Variants in ZNF577 observed in about 807,000 individuals in gnomAD.
ZNF577 encodes zinc finger protein 577.
A neutral mutation model predicts 13.9 loss-of-function variants in ZNF577; 14 were observed. The ratio of observed to expected loss-of-function variants is 1.00; its 90% CI spans 0.66 to 1.57. The LOEUF is 1.57. Ranked by LOEUF, ZNF577 falls within the 40% of genes most tolerant of loss-of-function variation. ZNF577 has a pLI of 0.00. For synonymous variants in ZNF577, 203 were observed against 202.9 expected, an observed-to-expected ratio of 1.00 and a Z score of 0.00; for missense variants, 555 against 579.2, an observed-to-expected ratio of 0.96 and a Z score of 0.43.
rs2084606727 is a variant in ZNF577, at chr19:51,868,771, A to G, written c.*3761T>C. 6.6e-6 allele frequency among the ~76,000 whole-genome samples: 1 copy of G among 152,204 alleles called. No homozygotes were observed. Among genetic ancestry groups the G allele is most frequent in the African/African-American group, 2.4e-5 (1 of 41,454 alleles). On this transcript the variant is annotated 3_prime_UTR_variant, in exon 6 of 6. Transcript: ENST00000638348. ...CTATGTAGAAAAAGGAAGACATAAG[A>G]AACTCTATTTTGATCTGTACTAAGA...
intron 9 of ZNF577, among the ~76,000 whole-genome samples, chr19:51,837,122 A>C (rs4802879): frequency 0.38 from 58,122 of 151,150 alleles, 11,394 homozygotes; most frequent in South Asian, 0.48. Context: ...TTCCAGCAAA[A>C]GGCTGCAAAC....
chr19:51,808,636 CCTT>C (rs1452859040), intron 10 of ZNF577, among the ~76,000 whole-genome samples: 2 of 152,172 alleles, frequency 1.3e-5, no homozygotes, highest in African/African-American at 2.4e-5. Flanking sequence ...CAAGGCTTAT[CCTT>C]CTCGTGTAAG....
At chr19:51,861,214 G>A (rs2122603776) in intron 5 of ZNF577, 1 of 265,364 alleles carries the variant, frequency 3.8e-6, no homozygotes, top group Non-Finnish European at 6.9e-6. Flanking sequence ...CACCTCCTAG[G>A]TTCAAGAGAT....
downstream of ZNF577, chr19:51,862,330 T>C (rs1316931726): frequency 6.6e-6 from 1 of 152,478 alleles, no homozygotes; most frequent in Non-Finnish European, 1.5e-5. Flanking sequence ...TACTGCATGA[T>C]GAGTTTTCTT....
chr19:51,827,954 A>AT (rs11400530), intron 9 of ZNF577, among the ~76,000 whole-genome samples: 152,342 of 152,342 alleles, frequency 1, 76,171 homozygotes, highest in Non-Finnish European at 1. Flanking sequence ...TCCTAAAGTT[A>AT]TTGCATTTCC....
At position 51,872,954 on chromosome 19, in the gene ZNF577, G is replaced by A. The variant is rs9807842; in HGVS notation, c.1036C>T (p.Arg346Cys). The change falls in exon 6 of 6, where the codon CGT becomes TGT. Residue 346 changes from arginine to cysteine, a missense_variant. Coordinates refer to ENST00000638348, the MANE Select transcript of ZNF577 (RefSeq NM_001370449.1). Reference protein sequence around the residue: ...RSKSKLIQHQRTHTGERPYSC... With the variant: ...RSKSKLIQHQCTHTGERPYSC... ...TATGGTCTCTCTCCAGTGTGAGTAC[G>A]CTGATGCTGAATGAGCTTCGACTTG... 0.05 allele frequency: 80,903 copies of A among 1,613,794 alleles called. 7,230 individuals carry two copies. Among genetic ancestry groups the A allele is most frequent in the African/African-American group, 0.28 (20,766 of 74,910 alleles).
At chr19:51,884,764 C>T (rs1287892323) in intron 1 of ZNF577, among the ~76,000 whole-genome samples, 2 of 152,088 alleles carry the variant, frequency 1.3e-5, no homozygotes, top group Non-Finnish European at 2.9e-5. Flanking sequence ...TTAAATTCAA[C>T]AAGGGTTTAC....
intron 9 of ZNF577, chr19:51,823,716 T>C (rs2084207730): frequency 6.6e-7 from 1 of 1,513,558 alleles, no homozygotes; most frequent in Non-Finnish European, 8.9e-7. Flanking sequence ...AGCTGAGAAA[T>C]GGCCATTGCT....
At chr19:51,836,912 C>T (rs2084290258) in intron 9 of ZNF577, among the ~76,000 whole-genome samples, 1 of 151,804 alleles carries the variant, frequency 6.6e-6, no homozygotes, top group Non-Finnish European at 1.5e-5. Context: ...GGCATGGTGG[C>T]ACGCACCTGT....
chr19:51,839,135 C>G (rs948809082), intron 9 of ZNF577, among the ~76,000 whole-genome samples: 26 of 152,164 alleles, frequency 1.7e-4, no homozygotes, highest in African/African-American at 5.8e-4. Flanking sequence ...GTAAAACTTA[C>G]AGCATTTCAA....
chr19:51,850,237 G>A (rs1468518627), intron 5 of ZNF577, among the ~76,000 whole-genome samples: 1 of 152,036 alleles, frequency 6.6e-6, no homozygotes, highest in East Asian at 1.9e-4. Flanking sequence ...GGTTGCCTTG[G>A]GCCATGCCAG....
chr19:51,812,236 C>G (rs75887907), intron 9 of ZNF577, among the ~76,000 whole-genome samples: 2 of 152,070 alleles, frequency 1.3e-5, no homozygotes, highest in South Asian at 2.1e-4. Context: ...TATGGCCCAA[C>G]GTAGGGTGAA....
chr19:51,845,811 T>G (rs2084348621), intron 5 of ZNF577, among the ~76,000 whole-genome samples: 1 of 152,248 alleles, frequency 6.6e-6, no homozygotes, highest in South Asian at 2.1e-4. Flanking sequence ...ATTTCCTTCT[T>G]TTTTGTGGCT....
intron 1 of ZNF577, among the ~76,000 whole-genome samples, chr19:51,884,272 T>C (rs1393839098): frequency 6.6e-6 from 1 of 151,894 alleles, no homozygotes; most frequent in East Asian, 1.9e-4. Flanking sequence ...AAGGAAATGG[T>C]CTAGTGGTTA....
chr19:51,876,549 G>A (rs1419952446), intron 5 of ZNF577, among the ~76,000 whole-genome samples: 1 of 152,068 alleles, frequency 6.6e-6, no homozygotes, highest in African/African-American at 2.4e-5. Context: ...ATTGACGTGA[G>A]CTAAGGTGAG....
In ZNF577 at chr19:51,869,206, T is replaced by C. The variant is rs1376639079; in HGVS notation, c.*3326A>G. On this transcript the variant is annotated 3_prime_UTR_variant, in exon 6 of 6. Transcript: ENST00000638348. ...GAGATAAGAGGAAGGCATCTGTCTC[T>C]TGCTCGTCCCTGGGAATGGAATGTC... Among the ~76,000 whole-genome samples, 1 of 152,180 alleles carries C rather than the reference T, an allele frequency of 6.6e-6. No individual in the cohort carries two copies. The highest frequency in any genetic ancestry group is 6.5e-5 in the Admixed American group (1 of 15,282).
At chr19:51,863,662 C>A (rs1022846235), downstream of ZNF577, among the ~76,000 whole-genome samples, 3 of 152,178 alleles carry the variant, frequency 2.0e-5, no homozygotes, top group African/African-American at 7.2e-5. Flanking sequence ...CATTTTGGAA[C>A]ATCTCATTAA....
intron 5 of ZNF577, among the ~76,000 whole-genome samples, chr19:51,850,440 C>G (rs770834829): frequency 5.3e-5 from 8 of 152,206 alleles, no homozygotes; most frequent in Non-Finnish European, 1.0e-4. Context: ...CAAATTGTTT[C>G]TGAAAGAAAT....
chr19:51,815,401 A>C (rs2084127815), intron 9 of ZNF577, among the ~76,000 whole-genome samples: 1 of 152,078 alleles, frequency 6.6e-6, no homozygotes, highest in South Asian at 2.1e-4. Flanking sequence ...CTCTACTGAA[A>C]ATACAAAAAT....
Sources: allele counts gnomAD v4.1 joint callset (sites outside exome capture counted in the v4.1 genomes callset), GRCh38; gene constraint gnomAD v4.1.1; transcripts MANE v1.5; gene names NCBI Gene and HGNC (gene_info 2026-07-23, HGNC 2026-07-21).